DLG4: variants seen among roughly 807,000 people sequenced by gnomAD.
DLG4 encodes the protein discs large MAGUK scaffold protein 4.
A neutral mutation model predicts 93.8 loss-of-function variants in DLG4; 7 were observed. That is an observed-to-expected ratio of 0.07 (90% CI 0.04 to 0.14). The LOEUF is 0.14. Ranked by LOEUF, DLG4 falls within the 10% of genes least tolerant of loss-of-function variation. The pLI is 1.00. For missense variants in DLG4, 545 were observed against 992.9 expected, an observed-to-expected ratio of 0.55 and a Z score of 6.06; for synonymous variants, 341 against 387.6, an observed-to-expected ratio of 0.88 and a Z score of 1.41.
At chr17:7,214,925 T>G (rs1345527306) in intron 1 of DLG4, among the ~76,000 whole-genome samples, 1 of 151,614 alleles carries the variant, frequency 6.6e-6, no homozygotes. Context: ...GCGGCAGGAG[T>G]CTAAATATAG....
At chr17:7,211,816 T>A (rs1329755684) in intron 1 of DLG4, 1 of 1,684 alleles carries the variant, frequency 5.9e-4, no homozygotes, top group African/African-American at 3.3e-3. Context: ...AACTGGAGGC[T>A]GCGGCGGGGG....
In DLG4 at chr17:7,194,623, C is replaced by G; in HGVS notation, c.1302-128G>C. 1.0e-6 allele frequency: 1 copy of G among 983,928 alleles called. No individual in the cohort carries two copies. The highest frequency in any genetic ancestry group is 1.5e-6 in the Non-Finnish European group (1 of 679,474). The allele number at this position is 983,928 out of a possible 1,614,324, so 60.9% of individuals were successfully genotyped here. A position where few individuals can be genotyped will look rare whatever the true frequency, so the allele number is the denominator to read the frequency against. On this transcript the variant is annotated intron_variant, in intron 11 of 19. Transcript: ENST00000399506. The surrounding 1 kb of genome is among the most constrained non-coding windows in gnomAD (Gnocchi z 4.4). ...ATGGGAGCTATGGATGCCGAGGAAC[C>G]CAAAACTGTGTGGGGACCAAACGCT...
chr17:7,208,144 C>T lies in DLG4; in HGVS notation c.96+30G>A, dbSNP rs765412865. The T allele has an allele frequency of 7.6e-7, 1 of 1,319,072 alleles. No individual in the cohort carries two copies. The highest frequency in any genetic ancestry group is 9.8e-7 in the Non-Finnish European group (1 of 1,024,342). The allele number at this position is 1,319,072 out of a possible 1,614,324, so 81.7% of individuals were successfully genotyped here. On this transcript the variant is annotated intron_variant, in intron 2 of 19. Coordinates refer to ENST00000399506, the MANE Select transcript of DLG4 (RefSeq NM_001321075.3). This position sits in a 1 kb window ranked among gnomAD's most constrained non-coding sequence, Gnocchi z 5.4. ...CCTCGAGGTGGGACAAGTTCCTCTC[C>T]GCCACGTGCACCAGCTCGGGGGCGT...
chr17:7,216,783 T>TA (rs2070935520), intron 1 of DLG4, among the ~76,000 whole-genome samples: 1 of 151,526 alleles, frequency 6.6e-6, no homozygotes, highest in African/African-American at 2.4e-5. Flanking sequence ...CCTTCCCACA[T>TA]ACACCAGCAG....
At position 7,191,838 on chromosome 17, in the gene DLG4, C is replaced by T. The variant is rs1567803724; in HGVS notation, c.1976+55G>A. The T allele has an allele frequency of 1.6e-6, 2 of 1,277,966 alleles. No individual in the cohort carries two copies. The highest frequency in any genetic ancestry group is 2.1e-6 in the Non-Finnish European group (2 of 949,228). 79.2% of individuals were successfully genotyped at this position (1,277,966 alleles called of 1,614,324 possible). A position where few individuals can be genotyped will look rare whatever the true frequency, so the allele number is the denominator to read the frequency against. On this transcript the variant is annotated intron_variant, in intron 18 of 19. Transcript: ENST00000399506. This position sits in a 1 kb window ranked among gnomAD's most constrained non-coding sequence, Gnocchi z 6.6. ...AGTTGAACGCAGACGCCTTGTGAGG[C>T]CCAGGGCCACAGGTGTTGGGGGAGC...
chr17:7,200,597 A>C (rs2070067765), intron 8 of DLG4, among the ~76,000 whole-genome samples: 1 of 150,674 alleles, frequency 6.6e-6, no homozygotes, highest in African/African-American at 2.4e-5. Context: ...CCCAGGCTGG[A>C]GTGCAATGGC....
At chr17:7,212,693 AG>A (rs2070756861) in intron 1 of DLG4, among the ~76,000 whole-genome samples, 1 of 152,186 alleles carries the variant, frequency 6.6e-6, no homozygotes, top group Non-Finnish European at 1.5e-5. Context: ...GCTGGAGGCC[AG>A]GTGCCCAACA....
At chr17:7,205,036 C>T in intron 2 of DLG4, 2 of 985,480 alleles carry the variant, frequency 2.0e-6, no homozygotes, top group South Asian at 9.4e-5. Context: ...TCCGCTAGCC[C>T]CGCCTCTCCT....
chr17:7,194,069 CAGCT>C lies in DLG4; in HGVS notation c.1479-73_1479-70del. 1.3e-6 allele frequency: 2 copies of C among 1,572,200 alleles called. No individual in the cohort carries two copies. Among genetic ancestry groups the C allele is most frequent in the Non-Finnish European group, 1.7e-6 (2 of 1,156,656 alleles). On this transcript the variant is annotated intron_variant, in intron 12 of 19. Transcript: ENST00000399506. This position sits in a 1 kb window ranked among gnomAD's most constrained non-coding sequence, Gnocchi z 4.4. ...CCCCTGCCACCCCCATGCTCTGAGC[CAGCT>C]GACAACCCCTTCTCCATACTCTGGG... is the stretch of plus-strand genomic sequence containing the variant.
rs1469622655 is a variant in DLG4 at position 7,195,980 on chromosome 17, G to A, written c.1301+240C>T. Among the ~76,000 whole-genome samples, 2 of 152,246 alleles carry A rather than the reference G, an allele frequency of 1.3e-5. No individual in the cohort carries two copies. The highest frequency in any genetic ancestry group is 2.4e-5 in the African/African-American group (1 of 41,466). ...CCTGGGAGTCCCGGGGAAGTGCTGG[G>A]ATGACCAGGGGCTAGAAGGCAATTG... On this transcript the variant is annotated intron_variant, in intron 11 of 19. Coordinates refer to ENST00000399506, the MANE Select transcript of DLG4 (RefSeq NM_001321075.3). This position sits in a 1 kb window ranked among gnomAD's most constrained non-coding sequence, Gnocchi z 4.3.
chr17:7,217,312 A>G lies in DLG4; in HGVS notation c.-165T>C. The G allele has an allele frequency of 1.4e-6, 1 of 690,618 alleles. No homozygotes were observed. Among genetic ancestry groups the G allele is most frequent in the Non-Finnish European group, 1.9e-6 (1 of 539,210 alleles). 42.8% of individuals were successfully genotyped at this position (690,618 alleles called of 1,614,324 possible). ...GGGGAAGGAGGGGGTTGGAGAAGGG[A>G]AGGGGAGGGGAGCGTGGGAGGGAGG... On this transcript the variant is annotated 5_prime_UTR_variant, in exon 1 of 20. Transcript: ENST00000399506.
At position 7,194,289 on chromosome 17, in the gene DLG4, C is replaced by T. The variant is rs531980389; in HGVS notation, c.1478+30G>A. 6.3e-7 allele frequency: 1 copy of T among 1,585,118 alleles called. No homozygotes were observed. Among genetic ancestry groups the T allele is most frequent in the Non-Finnish European group, 8.6e-7 (1 of 1,166,506 alleles). ...ACCTTGGGAACTTCAGTGCCTGTGG[C>T]AGGAAGGCTACAGAGCCCAGGAGCC... On this transcript the variant is annotated intron_variant, in intron 12 of 19. Coordinates refer to ENST00000399506, the MANE Select transcript of DLG4 (RefSeq NM_001321075.3). This position sits in a 1 kb window ranked among gnomAD's most constrained non-coding sequence, Gnocchi z 4.4.
Position 7,196,495 on chromosome 17 carries a change from G to T in DLG4, c.1164C>A (p.Ile388=). ...ALKNAGQTVT[I]IAQYKPEEYS... is the part of the protein sequence containing the mutation. ...TACCTTCTGGTTTATACTGAGCGAT[G>T]ATCGTGACCGTCTGACCCGCATTCT... The change falls in exon 10 of 20, where the codon ATC becomes ATA. Residue 388 remains isoleucine, a synonymous_variant. Transcript: ENST00000399506. The surrounding 1 kb of genome is among the most constrained non-coding windows in gnomAD (Gnocchi z 8.3). 6.2e-7 allele frequency: 1 copy of T among 1,614,046 alleles called. No individual in the cohort carries two copies. The highest frequency in any genetic ancestry group is 8.5e-7 in the Non-Finnish European group (1 of 1,179,906).
chr17:7,217,801 G>T, upstream of DLG4: 1 of 1,535,324 alleles, frequency 6.5e-7, no homozygotes, highest in South Asian at 1.2e-5. Flanking sequence ...CACCAGCGAT[G>T]ACAGCAAAGA....
At position 7,200,283 on chromosome 17, in the gene DLG4, C is replaced by T. The variant is rs548654571; in HGVS notation, c.787+2620G>A. On this transcript the variant is annotated intron_variant, in intron 8 of 19. Coordinates refer to ENST00000399506, the MANE Select transcript of DLG4 (RefSeq NM_001321075.3). ...AATGGAATGTAGATTAATTTGGAGCCGGTTGAGATCTTTAGCATATTAAGT... is the reference window on the plus strand; with the variant it reads ...AATGGAATGTAGATTAATTTGGAGCTGGTTGAGATCTTTAGCATATTAAGT... Among the ~76,000 whole-genome samples the T allele has an allele frequency of 6.2e-4, 95 of 152,208 alleles. 1 individual carries two copies. Among genetic ancestry groups the T allele is most frequent in the African/African-American group, 2.3e-3 (94 of 41,536 alleles).
At position 7,191,365 on chromosome 17, in the gene DLG4, A is replaced by G. The variant is rs1372889235; in HGVS notation, c.1977-7T>C. ...GATCCGCTTGTTAATCTCTCTGTGAAGAGGGAGGGAGAGCAGGCCTGAGAC... is the reference window on the plus strand; with the variant it reads ...GATCCGCTTGTTAATCTCTCTGTGAGGAGGGAGGGAGAGCAGGCCTGAGAC... On this transcript the variant is annotated splice_polypyrimidine_tract_variant and splice_region_variant and intron_variant, in intron 18 of 19. Transcript: ENST00000399506. The surrounding 1 kb of genome is among the most constrained non-coding windows in gnomAD (Gnocchi z 6.6). 1.2e-6 allele frequency: 2 copies of G among 1,613,406 alleles called. No individual in the cohort carries two copies. The highest frequency in any genetic ancestry group is 2.2e-5 in the South Asian group (2 of 91,054).
In DLG4 at chr17:7,193,858, C is replaced by T. The variant is rs2069629321; in HGVS notation, c.1529G>A (p.Ser510Asn). ...ACCCTACCTACCCTGCGATCCAGAG[C>T]TGGAGCCCCAGTCCTAAGAAGAAAA... Reference protein sequence around the residue: ...SRLKAKDWGSSSGSQGREDSV... With the variant: ...SRLKAKDWGSNSGSQGREDSV... The change falls in exon 14 of 20, where the codon AGC becomes AAC. Residue 510 changes from serine (S) to asparagine (N), a missense_variant. This residue lies in a region of DLG4 where 428 missense variants were observed against 741.4 expected (regional missense o/e 0.58). Coordinates refer to ENST00000399506, the MANE Select transcript of DLG4 (RefSeq NM_001321075.3). This position sits in a 1 kb window ranked among gnomAD's most constrained non-coding sequence, Gnocchi z 6.7. 1 of 1,612,758 alleles carries T rather than the reference C, an allele frequency of 6.2e-7. No individual in the cohort carries two copies. Among genetic ancestry groups the T allele is most frequent in the Non-Finnish European group, 8.5e-7 (1 of 1,179,446 alleles).
chr17:7,218,355 T>C, upstream of DLG4: 1 of 1,520,092 alleles, frequency 6.6e-7, no homozygotes, highest in African/African-American at 1.4e-5. Flanking sequence ...TCATCACCGC[T>C]GCTGGCTGGC....
At position 7,187,441 on chromosome 17, in the gene DLG4, G is replaced by C. The variant is rs570865070; in HGVS notation, c.*3267C>G. On this transcript the variant is annotated 3_prime_UTR_variant, in exon 20 of 20. Transcript: ENST00000399506. Reference sequence around the variant, plus strand: ...TGCACCTGTAATCCCAGCTACTCGGGAGGCTGAGGCAGGAGAATAGCTTGA... The same window carrying C: ...TGCACCTGTAATCCCAGCTACTCGGCAGGCTGAGGCAGGAGAATAGCTTGA... Among the ~76,000 whole-genome samples, 4 of 151,942 alleles carry C rather than the reference G, an allele frequency of 2.6e-5. No homozygotes were observed. The South Asian group carries it at 6.2e-4, about 24-fold the overall frequency.
Sources: gnomAD v4.1 joint callset for allele counts (sites outside exome capture counted in the v4.1 genomes callset) on GRCh38, gnomAD v4.1.1 for gene constraint, gnomAD v4.1.1 regional missense constraint, Gnocchi (gnomAD v3.1) non-coding constraint, MANE v1.5 for transcripts, NCBI Gene and HGNC (gene_info 2026-07-23, HGNC 2026-07-21) for gene names.